The following CCDC171 variants were observed in gnomAD, a reference collection of about 807,000 sequenced individuals.
The protein encoded by CCDC171 is coiled-coil domain containing 171.
CCDC171 carries 177 observed loss-of-function variants against 168.2 expected under a neutral mutation model. The ratio of observed to expected loss-of-function variants is 1.05; its 90% confidence interval spans 0.93 to 1.19. CCDC171 has a LOEUF of 1.19. CCDC171 is among the 50% of genes most tolerant of loss of function. The pLI is 0.00. For synonymous variants in CCDC171, 687 were observed against 540.8 expected (o/e 1.27, Z -3.75); for missense variants, 1,991 against 1,539.0 (o/e 1.29, Z -4.91).
the CCDC171 span, among the ~76,000 whole-genome samples, chr9:16,092,437 A>T: frequency 6.6e-6 from 1 of 152,110 alleles, no homozygotes; most frequent in Non-Finnish European, 1.5e-5. Flanking sequence ...TCTGCCTGGG[A>T]CAGCTGCATC....
chr9:15,622,701 A>G (rs1342622928), intron 6 of CCDC171, among the ~76,000 whole-genome samples: 1 of 152,222 alleles, frequency 6.6e-6, no homozygotes, highest in African/African-American at 2.4e-5. Context: ...GAGAGATTTT[A>G]GTATAAGACT....
intron 25 of CCDC171, among the ~76,000 whole-genome samples, chr9:15,923,654 C>G (rs1825588280): frequency 6.6e-6 from 1 of 151,200 alleles, no homozygotes; most frequent in Non-Finnish European, 1.5e-5. Flanking sequence ...AGGGTTCCTA[C>G]CATAAAAACG....
intron 25 of CCDC171, among the ~76,000 whole-genome samples, chr9:15,934,389 C>CGAA (rs1826869563): frequency 8.7e-6 from 1 of 114,298 alleles, no homozygotes. Context: ...GACCCTGTCT[C>CGAA]AAAAAAAAAA....
intron 18 of CCDC171, among the ~76,000 whole-genome samples, chr9:15,761,869 C>A (rs192624783): frequency 7.7e-6 from 1 of 130,438 alleles, no homozygotes; most frequent in East Asian, 2.9e-4. Flanking sequence ...AAAGTATAAG[C>A]ATGTAGAAAA....
intron 11 of CCDC171, among the ~76,000 whole-genome samples, chr9:15,697,426 C>T (rs1398099074): frequency 6.6e-6 from 1 of 152,182 alleles, no homozygotes; most frequent in Non-Finnish European, 1.5e-5. Context: ...TGCTGATGAC[C>T]TCTTCTGAGT....
rs1169257384 is a variant in CCDC171 at position 15,677,902 on chromosome 9, ATATATATATATATATATATATAT to A, written c.1077-855_1077-833del. Among the ~76,000 whole-genome samples the A allele has an allele frequency of 9.5e-4, 20 of 21,102 alleles. 2 individuals are homozygous for A. Among genetic ancestry groups the A allele is most frequent in the African/African-American group, 1.3e-3 (6 of 4,604 alleles). The allele number at this position is 21,102 out of a possible 152,430, so 13.8% of individuals were successfully genotyped here. A position where few individuals can be genotyped will look rare whatever the true frequency, so the allele number is the denominator to read the frequency against. ...GTCATATATATATATATATATATATATATATATATATATATATATATATAAGAGATGTGGTCTCATTCTGTTAC... is the reference window on the plus strand; with the variant it reads ...GTCATATATATATATATATATATATAAAGAGATGTGGTCTCATTCTGTTAC... On this transcript the variant is annotated intron_variant, in intron 9 of 25. Coordinates refer to ENST00000380701, the MANE Select transcript of CCDC171 (RefSeq NM_173550.4).
At chr9:15,561,371 C>T (rs2039289096) in intron 1 of CCDC171, among the ~76,000 whole-genome samples, 1 of 152,064 alleles carries the variant, frequency 6.6e-6, no homozygotes, top group Non-Finnish European at 1.5e-5. Context: ...ATTTAGAGTT[C>T]AACAAATATT....
At chr9:15,909,498 C>G (rs560802157) in intron 24 of CCDC171, among the ~76,000 whole-genome samples, 2 of 152,056 alleles carry the variant, frequency 1.3e-5, no homozygotes, top group Non-Finnish European at 2.9e-5. Flanking sequence ...TCTTACACAA[C>G]TTTTTACTGG....
At chr9:16,006,678 A>G (rs1164168035) in intron 3 of CCDC171, among the ~76,000 whole-genome samples, 1 of 150,722 alleles carries the variant, frequency 6.6e-6, no homozygotes, top group Non-Finnish European at 1.5e-5. Flanking sequence ...GAGAACATGC[A>G]GTGTTTGGTT....
At chr9:15,922,674 A>C (rs568132405) in intron 25 of CCDC171, among the ~76,000 whole-genome samples, 1 of 151,670 alleles carries the variant, frequency 6.6e-6, no homozygotes, top group Admixed American at 6.6e-5. Flanking sequence ...GTACTAATTT[A>C]CATTCCTACA....
chr9:15,594,672 G>A (rs1029512394), intron 6 of CCDC171, among the ~76,000 whole-genome samples: 4 of 152,084 alleles, frequency 2.6e-5, no homozygotes, highest in African/African-American at 7.2e-5. Flanking sequence ...CTTTATACAT[G>A]AGCAGATGGA....
At chr9:15,786,144 A>G (rs137890766) in intron 21 of CCDC171, among the ~76,000 whole-genome samples, 3 of 152,246 alleles carry the variant, frequency 2.0e-5, no homozygotes, top group African/African-American at 7.2e-5. Context: ...TGCTGTTTTT[A>G]TAAGTGAAAA....
At chr9:15,837,441 A>C (rs1455532957) in intron 21 of CCDC171, among the ~76,000 whole-genome samples, 1 of 152,238 alleles carries the variant, frequency 6.6e-6, no homozygotes, top group African/African-American at 2.4e-5. Flanking sequence ...ACATATATAC[A>C]CATACACCCT....
intron 11 of CCDC171, among the ~76,000 whole-genome samples, chr9:15,704,206 G>A (rs1267391403): frequency 3.3e-5 from 5 of 150,378 alleles, no homozygotes; most frequent in African/African-American, 9.8e-5. Flanking sequence ...TTTGTTTGTA[G>A]CACATTCTTA....
chr9:16,044,248 G>A (rs1423548113), intron 1 of CCDC171, among the ~76,000 whole-genome samples: 1 of 152,176 alleles, frequency 6.6e-6, no homozygotes. Context: ...TAAATATTTT[G>A]TTCTAATCTC....
In CCDC171 at chr9:15,894,257, C is replaced by T. The variant is rs1440197517; in HGVS notation, c.3600+19594C>T. Among the ~76,000 whole-genome samples the T allele has an allele frequency of 3.9e-5, 6 of 151,934 alleles. No individual in the cohort carries two copies. The East Asian group carries it at 7.7e-4, about 20-fold the overall frequency. On this transcript the variant is annotated intron_variant, in intron 24 of 25. Transcript: ENST00000380701. ...CACATTTACACATGAAGAAGAACAA[C>T]ACATACTGGGGCTTGTTGGGGGCGA...
rs1281383335 is a variant in CCDC171, at chr9:15,816,100, A to G, written c.3268-30602A>G. On this transcript the variant is annotated intron_variant, in intron 21 of 25. Transcript: ENST00000380701. Reference sequence around the variant, plus strand: ...GTGTTTATTATGATGTCCTATTATGATATGATAATTTCCTTTTTTCAAAGT... The same window carrying G: ...GTGTTTATTATGATGTCCTATTATGGTATGATAATTTCCTTTTTTCAAAGT... 4.2e-5 allele frequency among the ~76,000 whole-genome samples: 5 copies of G among 117,944 alleles called. 1 individual carries two copies. The highest frequency in any genetic ancestry group is 1.6e-4 in the African/African-American group (5 of 31,766). 77.4% of individuals were successfully genotyped at this position (117,944 alleles called of 152,430 possible). A position where few individuals can be genotyped will look rare whatever the true frequency, so the allele number is the denominator to read the frequency against.
chr9:15,768,087 G>A (rs1196181643), intron 18 of CCDC171, among the ~76,000 whole-genome samples: 1 of 149,778 alleles, frequency 6.7e-6, no homozygotes, highest in African/African-American at 2.5e-5. Flanking sequence ...TGTATAGCCA[G>A]GGCTTTATTT....
chr9:15,915,017 A>T (rs972874935), intron 24 of CCDC171, among the ~76,000 whole-genome samples: 8 of 152,058 alleles, frequency 5.3e-5, no homozygotes, highest in African/African-American at 1.9e-4. Flanking sequence ...CGGGTACCTC[A>T]GTTGGAAATG....
Sources: gnomAD v4.1 joint callset for allele counts (sites outside exome capture counted in the v4.1 genomes callset) on GRCh38, gnomAD v4.1.1 for gene constraint, MANE v1.5 for transcripts, NCBI Gene and HGNC (gene_info 2026-07-23, HGNC 2026-07-21) for gene names.